PCMTD1: variants seen among roughly 807,000 people sequenced by gnomAD.
The protein encoded by PCMTD1 is protein-L-isoaspartate (D-aspartate) O-methyltransferase domain containing 1, also known as protein-L-isoaspartate O-methyltransferase domain-containing protein 1.
A neutral mutation model predicts 37.6 loss-of-function variants in PCMTD1; 12 were observed. The ratio of observed to expected loss-of-function variants is 0.32; its 90% confidence interval spans 0.20 to 0.52. The LOEUF is 0.52. Among genes scored for constraint, PCMTD1 ranks in the 20% least tolerant of loss-of-function variants. The pLI, the probability that PCMTD1 is intolerant of heterozygous loss-of-function variation, is 0.97. For missense variants in PCMTD1, 235 were observed against 421.3 expected (o/e 0.56, Z 3.87); for synonymous variants, 117 against 135.8 (o/e 0.86, Z 0.96).
At chr8:51,822,173 AG>A (rs1241480687) in intron 5 of PCMTD1, among the ~76,000 whole-genome samples, 4 of 152,222 alleles carry the variant, frequency 2.6e-5, no homozygotes, top group Non-Finnish European at 4.4e-5. Context: ...AGCATGTCCA[AG>A]GAGCCGAAGG....
At chr8:51,899,106 G>C (rs753366737), upstream of PCMTD1, 29 of 1,452,488 alleles carry the variant, frequency 2.0e-5, no homozygotes, top group Non-Finnish European at 2.4e-5. Context: ...GCCGGGGTCC[G>C]GGCATGCGCA....
intron 1 of PCMTD1, among the ~76,000 whole-genome samples, chr8:51,894,721 G>T (rs535156352): frequency 6.6e-6 from 1 of 151,934 alleles, no homozygotes; most frequent in South Asian, 2.1e-4. Context: ...GTCTCTTGCT[G>T]TGTATATGGC....
At chr8:51,833,214 C>T (rs1487613875) in intron 4 of PCMTD1, among the ~76,000 whole-genome samples, 9 of 152,126 alleles carry the variant, frequency 5.9e-5, no homozygotes, top group Non-Finnish European at 8.8e-5. Context: ...GAGATCATCA[C>T]ATTCAACTTC....
intron 1 of PCMTD1, among the ~76,000 whole-genome samples, chr8:51,878,334 C>T (rs2038744259): frequency 6.8e-6 from 1 of 146,468 alleles, no homozygotes. Context: ...TCCAATGTGG[C>T]CTGGGGAAGC....
At chr8:51,839,487 T>G (rs2038115069) in intron 3 of PCMTD1, 2 of 985,298 alleles carry the variant, frequency 2.0e-6, no homozygotes, top group Non-Finnish European at 2.4e-6. Context: ...TTGGAATATC[T>G]TCATCTTGAG....
intron 5 of PCMTD1, among the ~76,000 whole-genome samples, chr8:51,822,048 A>G (rs1181358661): frequency 1.3e-5 from 2 of 152,076 alleles, no homozygotes; most frequent in Non-Finnish European, 1.5e-5. Flanking sequence ...GTTGCTTTCT[A>G]TTGGGTGGTC....
At chr8:51,862,231 C>G (rs575934104) in intron 1 of PCMTD1, among the ~76,000 whole-genome samples, 1 of 152,080 alleles carries the variant, frequency 6.6e-6, no homozygotes, top group South Asian at 2.1e-4. Flanking sequence ...TAAACAAACC[C>G]CACACTCATG....
At chr8:51,889,999 CAAAA>C in intron 1 of PCMTD1, among the ~76,000 whole-genome samples, 1 of 80,144 alleles carries the variant, frequency 1.2e-5, no homozygotes, top group East Asian at 3.3e-4. Context: ...AAGTCCTTAA[CAAAA>C]AAAAAAAAAA....
upstream of PCMTD1, chr8:51,899,125 C>T (rs1338468213): frequency 2.1e-6 from 3 of 1,407,942 alleles, no homozygotes; most frequent in Non-Finnish European, 2.8e-6. Context: ...CAGAGAACCA[C>T]GGGCACAGGG....
At chr8:51,857,323 C>CT (rs1348091438) in intron 2 of PCMTD1, among the ~76,000 whole-genome samples, 2 of 152,116 alleles carry the variant, frequency 1.3e-5, no homozygotes, top group Non-Finnish European at 2.9e-5. Context: ...AGGCAAGAGA[C>CT]TAAGAGAAAG....
At chr8:51,886,886 T>C (rs907821433) in intron 1 of PCMTD1, among the ~76,000 whole-genome samples, 14 of 152,166 alleles carry the variant, frequency 9.2e-5, no homozygotes, top group African/African-American at 2.9e-4. Flanking sequence ...GATCAAGGTG[T>C]TGGGGAGACT....
intron 4 of PCMTD1, among the ~76,000 whole-genome samples, chr8:51,833,109 C>T (rs575294815): frequency 2.0e-5 from 3 of 152,256 alleles, no homozygotes; most frequent in African/African-American, 4.8e-5. Context: ...CCGCCCAAAG[C>T]GCTGAGATTA....
intron 2 of PCMTD1, among the ~76,000 whole-genome samples, chr8:51,853,670 CTATAT>C: frequency 6.6e-6 from 1 of 151,808 alleles, no homozygotes; most frequent in Non-Finnish European, 1.5e-5. Flanking sequence ...CTGGTAGAGA[CTATAT>C]TATTTATTTT....
At chr8:51,867,748 T>C (rs2038578421) in intron 1 of PCMTD1, among the ~76,000 whole-genome samples, 1 of 152,004 alleles carries the variant, frequency 6.6e-6, no homozygotes, top group African/African-American at 2.4e-5. Context: ...CTCACTCATG[T>C]GGAACCTAAA....
intron 4 of PCMTD1, among the ~76,000 whole-genome samples, chr8:51,832,002 C>T (rs1036952824): frequency 6.6e-6 from 1 of 152,116 alleles, no homozygotes. Context: ...GATTCTAATT[C>T]GACCCCCAAC....
At chr8:51,850,236 T>C in intron 2 of PCMTD1, 1 of 594,724 alleles carries the variant, frequency 1.7e-6, no homozygotes, top group East Asian at 2.8e-5. Context: ...CATTAAATTA[T>C]GTAAAACTTT....
rs1197562308 is a variant in PCMTD1 at position 51,819,786 on chromosome 8, A to C, written c.*565T>G. On this transcript the variant is annotated 3_prime_UTR_variant, in exon 6 of 6. Coordinates refer to ENST00000522514, the MANE Select transcript of PCMTD1 (RefSeq NM_052937.4). ...TAGCAGGGCTGTAAAATTTCATAAA[A>C]TTTGTGGGATTTTTTAAAGCTAAAT... The C allele has an allele frequency of 1.3e-5, 2 of 152,626 alleles. No homozygotes were observed. Among genetic ancestry groups the C allele is most frequent in the Admixed American group, 6.5e-5 (1 of 15,278 alleles). The allele number at this position is 152,626 out of a possible 1,614,324, so 9.5% of individuals were successfully genotyped here. A position where few individuals can be genotyped will look rare whatever the true frequency, so the allele number is the denominator to read the frequency against.
Position 51,898,725 on chromosome 8 carries a change from G to A in PCMTD1, c.-96+205C>T, listed in dbSNP as rs546306071. Among the ~76,000 whole-genome samples the A allele has an allele frequency of 4.0e-3, 333 of 83,852 alleles. 4 individuals are homozygous for A. The highest frequency in any genetic ancestry group is 0.014 in the African/African-American group (310 of 22,820). The allele number at this position is 83,852 out of a possible 152,430, so 55.0% of individuals were successfully genotyped here. On this transcript the variant is annotated intron_variant, in intron 1 of 5. Transcript: ENST00000522514. ...CCGACCTCCCAAGTCCTCCGCCCCC[G>A]GCCCGTCCTTCCCCCAACCTGCCCC...
intron 1 of PCMTD1, among the ~76,000 whole-genome samples, chr8:51,889,256 T>G (rs1301404741): frequency 6.6e-6 from 1 of 152,234 alleles, no homozygotes; most frequent in Non-Finnish European, 1.5e-5. Flanking sequence ...CTCTGAAAAG[T>G]AGTATACGAC....
Sources: allele counts gnomAD v4.1 joint callset (sites outside exome capture counted in the v4.1 genomes callset), GRCh38; gene constraint gnomAD v4.1.1; transcripts MANE v1.5; gene names NCBI Gene and HGNC (gene_info 2026-07-23, HGNC 2026-07-21).